The following AEBP2 variants were observed in gnomAD, a reference collection of about 807,000 sequenced individuals.
AEBP2 encodes the protein AE binding protein 2.
AEBP2 carries 10 observed loss-of-function variants against 50.8 expected under a neutral mutation model. That is an observed-to-expected ratio of 0.20 (90% CI 0.12 to 0.33). The LOEUF (loss-of-function observed/expected upper bound fraction) is 0.33, where lower values mean the gene tolerates loss of function less well. AEBP2 is among the 10% of genes least tolerant of loss of function. The pLI, the probability that AEBP2 is intolerant of heterozygous loss-of-function variation, is 1.00. For missense variants in AEBP2, 570 were observed against 688.0 expected, an observed-to-expected ratio of 0.83 and a Z score of 1.92; for synonymous variants, 296 against 261.3, an observed-to-expected ratio of 1.13 and a Z score of -1.28.
At chr12:19,482,699 C>A (rs1301582552) in intron 3 of AEBP2, among the ~76,000 whole-genome samples, 1 of 152,154 alleles carries the variant, frequency 6.6e-6, no homozygotes, top group Non-Finnish European at 1.5e-5. Context: ...GAAATACCAT[C>A]AGGTGGGAGC....
intron 3 of AEBP2, among the ~76,000 whole-genome samples, chr12:19,487,682 C>T (rs1200542675): frequency 6.6e-6 from 1 of 151,738 alleles, no homozygotes; most frequent in Non-Finnish European, 1.5e-5. Flanking sequence ...CACGCCACTG[C>T]ACTCGTCTGG....
intron 1 of AEBP2, among the ~76,000 whole-genome samples, chr12:19,404,629 C>CA (rs1218874120): frequency 6.6e-6 from 1 of 152,162 alleles, no homozygotes; most frequent in Non-Finnish European, 1.5e-5. Context: ...AACAAGGTTT[C>CA]AAAGATTTTC....
In AEBP2 at chr12:19,429,823, GT is replaced by G. The variant is rs201943298; in HGVS notation, c.-17+25619del. The stretch of plus-strand genomic sequence containing the variant: ...ATCCTTCGCCCACTTGTTGATGGGA[GT>G]TTTTTTTTTTTCTTGTAAATTTGTT... On this transcript the variant is annotated intron_variant, in intron 1 of 3. Transcript: ENST00000538425. Among the ~76,000 whole-genome samples the G allele has an allele frequency of 8.5e-4, 124 of 145,896 alleles. 1 individual carries two copies. The highest frequency in any genetic ancestry group is 3.5e-3 in the Middle Eastern group (1 of 282).
chr12:19,404,169 G>C (rs1201575277), exon 1 of AEBP2: 1 of 152,246 alleles, frequency 6.6e-6, no homozygotes, highest in East Asian at 1.9e-4. Context: ...CTTAACCTGT[G>C]ACCATCGCCT....
At chr12:19,513,043 A>G (rs1350679052) in intron 6 of AEBP2, among the ~76,000 whole-genome samples, 1 of 152,110 alleles carries the variant, frequency 6.6e-6, no homozygotes, top group Non-Finnish European at 1.5e-5. Flanking sequence ...GTTTTTTGAG[A>G]TGCTCAACCT....
intron 4 of AEBP2, among the ~76,000 whole-genome samples, chr12:19,497,240 CATT>C (rs1201433257): frequency 6.7e-6 from 1 of 149,254 alleles, no homozygotes; most frequent in Non-Finnish European, 1.5e-5. Flanking sequence ...ACATCATCAT[CATT>C]ACACCTAAGG....
At chr12:19,480,420 T>C (rs951253465) in intron 3 of AEBP2, among the ~76,000 whole-genome samples, 8 of 152,184 alleles carry the variant, frequency 5.3e-5, no homozygotes, top group African/African-American at 1.9e-4. Context: ...GGTTCTATTT[T>C]GGTGTGTTTC....
rs538284899 is a variant in AEBP2, at chr12:19,486,495, G to A, written c.988-7305G>A. ...CAGCCTCAATCTCCCTGGCTCAGGT[G>A]TTACTCATACTACAGTCTCCCAAGT... On this transcript the variant is annotated intron_variant, in intron 3 of 7. Transcript: ENST00000266508. Among the ~76,000 whole-genome samples, 302 of 152,098 alleles carry A rather than the reference G, an allele frequency of 2.0e-3. 10 individuals carry two copies. The highest frequency in any genetic ancestry group is 2.5e-3 in the African/African-American group (102 of 41,516).
At chr12:19,468,797 C>T (rs1592743770) in intron 2 of AEBP2, among the ~76,000 whole-genome samples, 2 of 152,170 alleles carry the variant, frequency 1.3e-5, no homozygotes, top group Admixed American at 1.3e-4. Flanking sequence ...GAGGCAAAAC[C>T]TGTTCTGACA....
chr12:19,442,052 G>T (rs1023980274), intron 1 of AEBP2, among the ~76,000 whole-genome samples: 4 of 152,128 alleles, frequency 2.6e-5, no homozygotes, highest in Non-Finnish European at 1.5e-5. Context: ...TGGTGGGCTG[G>T]ATATGAGCAA....
At chr12:19,412,398 C>T (rs1181957233) in intron 1 of AEBP2, among the ~76,000 whole-genome samples, 1 of 151,960 alleles carries the variant, frequency 6.6e-6, no homozygotes, top group African/African-American at 2.4e-5. Context: ...CTGCCTCAGC[C>T]TCCCGAGTAG....
At chr12:19,501,876 C>T (rs1473713624) in intron 5 of AEBP2, among the ~76,000 whole-genome samples, 1 of 133,684 alleles carries the variant, frequency 7.5e-6, no homozygotes, top group Non-Finnish European at 1.6e-5. Flanking sequence ...GTTCTGCGAC[C>T]GTGGTTACAA....
In AEBP2 at chr12:19,414,128, G is replaced by A. The variant is rs141285848; in HGVS notation, c.-17+9912G>A. On this transcript the variant is annotated intron_variant, in intron 1 of 3. Coordinates refer to the AEBP2 transcript ENST00000538425. ...AGGCTGATCTTGAACTCCTGACCTC[G>A]TGATCCTCCCGCCTCAGCCTCCCAA... Among the ~76,000 whole-genome samples, 1,128 of 152,038 alleles carry A rather than the reference G, an allele frequency of 7.4e-3. 14 individuals carry two copies. Among genetic ancestry groups the A allele is most frequent in the African/African-American group, 0.026 (1,061 of 41,494 alleles).
At chr12:19,438,876 G>GT (rs1947889693), upstream of AEBP2, among the ~76,000 whole-genome samples, 1 of 152,168 alleles carries the variant, frequency 6.6e-6, no homozygotes, top group African/African-American at 2.4e-5. Context: ...TGGCTATACA[G>GT]TATTTAAACA....
intron 1 of AEBP2, among the ~76,000 whole-genome samples, chr12:19,417,804 A>C (rs765276569): frequency 6.6e-6 from 1 of 151,812 alleles, no homozygotes. Context: ...TCCTGGGTTC[A>C]AACGATTCTC....
rs1482602588 is a variant in AEBP2, at chr12:19,493,832, T to C, written c.1020T>C (p.Ala340=). ...TTGGTGGCTGCAATGCCAGCTTTGC[T>C]TCTCAGGGAGGGCTAGCTCGTCATG... The part of the protein sequence containing the change: ...CVVGGCNASF[A]SQGGLARHVP... The change falls in exon 4 of 8, where the codon GCT becomes GCC. Residue 340 remains alanine, a synonymous_variant. Coordinates refer to ENST00000266508, the MANE Select transcript of AEBP2 (RefSeq NM_153207.5). The C allele has an allele frequency of 6.2e-7, 1 of 1,613,814 alleles. No individual in the cohort carries two copies.
chr12:19,452,018 G>A (rs1402152257), intron 1 of AEBP2, among the ~76,000 whole-genome samples: 2 of 152,184 alleles, frequency 1.3e-5, no homozygotes, highest in Non-Finnish European at 2.9e-5. Context: ...AGCCTCCTAA[G>A]TAGCTGGGAT....
At chr12:19,457,184 C>T (rs751812288) in intron 1 of AEBP2, 17 of 1,597,628 alleles carry the variant, frequency 1.1e-5, no homozygotes, top group East Asian at 4.5e-5. Context: ...TTGTTAACAC[C>T]GACAATTAGT....
At chr12:19,451,453 G>T (rs1592725721) in intron 1 of AEBP2, among the ~76,000 whole-genome samples, 1 of 152,220 alleles carries the variant, frequency 6.6e-6, no homozygotes, top group East Asian at 1.9e-4. Flanking sequence ...CGGCTTCAAG[G>T]GAGCCAGATT....
Sources: gnomAD v4.1 joint callset for allele counts (sites outside exome capture counted in the v4.1 genomes callset) on GRCh38, gnomAD v4.1.1 for gene constraint, MANE v1.5 for transcripts, NCBI Gene and HGNC (gene_info 2026-07-23, HGNC 2026-07-21) for gene names.